NBEA: variants seen among roughly 807,000 people sequenced by gnomAD.
NBEA encodes the protein lysosomal-trafficking regulator 2.
In NBEA, 44 loss-of-function variants were observed where a neutral mutation model predicts 343.4. The observed-to-expected ratio is 0.13, with a 90% CI of 0.10 to 0.16. The LOEUF is 0.16. NBEA is among the 10% of genes least tolerant of loss of function. NBEA has a pLI of 1.00. For missense variants in NBEA, 2,555 were observed against 3,631.3 expected (o/e 0.70, Z 7.62); for synonymous variants, 1,175 against 1,238.7 (o/e 0.95, Z 1.08).
At chr13:35,339,427 T>C (rs1013331404) in intron 36 of NBEA, among the ~76,000 whole-genome samples, 4 of 151,966 alleles carry the variant, frequency 2.6e-5, no homozygotes, top group Non-Finnish European at 4.4e-5. Flanking sequence ...AATAATAAAA[T>C]GTAACAATGA....
chr13:35,073,095 C>T (rs573426848), intron 10 of NBEA, among the ~76,000 whole-genome samples: 8 of 151,972 alleles, frequency 5.3e-5, no homozygotes, highest in African/African-American at 1.9e-4. Flanking sequence ...TTATAGGGAA[C>T]CATTATAGAA....
At chr13:35,448,826 A>G (rs1343520994) in intron 39 of NBEA, among the ~76,000 whole-genome samples, 5 of 152,212 alleles carry the variant, frequency 3.3e-5, no homozygotes, top group Non-Finnish European at 5.9e-5. Context: ...GCTGGGCACC[A>G]GGCACTGAAG....
At chr13:35,198,651 G>A (rs1340815428) in intron 31 of NBEA, among the ~76,000 whole-genome samples, 1 of 152,040 alleles carries the variant, frequency 6.6e-6, no homozygotes. Context: ...TGAAATGGAA[G>A]AGCACAAAGC....
intron 41 of NBEA, among the ~76,000 whole-genome samples, chr13:35,506,271 G>C (rs1466725567): frequency 6.6e-6 from 1 of 152,036 alleles, no homozygotes; most frequent in Non-Finnish European, 1.5e-5. Flanking sequence ...GTCTGGCTTT[G>C]TTGCCCAGGC....
At chr13:35,615,570 C>G (rs897524253) in intron 48 of NBEA, among the ~76,000 whole-genome samples, 1 of 152,108 alleles carries the variant, frequency 6.6e-6, no homozygotes, top group Non-Finnish European at 1.5e-5. Flanking sequence ...GTCTTGAACT[C>G]CTGACCTCAG....
chr13:35,222,536 G>A (rs1486091096), intron 33 of NBEA, among the ~76,000 whole-genome samples: 3 of 151,716 alleles, frequency 2.0e-5, no homozygotes, highest in African/African-American at 7.2e-5. Context: ...CTTCTTTTAT[G>A]CCCTCTGTTG....
intron 10 of NBEA, among the ~76,000 whole-genome samples, chr13:35,093,315 CAAA>C (rs34323263): frequency 4.5e-4 from 64 of 141,066 alleles, no homozygotes; most frequent in Non-Finnish European, 5.0e-4. Flanking sequence ...ACTGGTACAC[CAAA>C]AAAAAAAAAA....
chr13:35,174,795 A>AT (rs1480126649), intron 27 of NBEA, among the ~76,000 whole-genome samples: 13 of 151,400 alleles, frequency 8.6e-5, no homozygotes, highest in African/African-American at 2.7e-4. Flanking sequence ...ACTTCAGAGT[A>AT]ATTTTTTTTT....
chr13:35,612,194 A>G (rs555267625), intron 48 of NBEA, among the ~76,000 whole-genome samples: 1 of 150,858 alleles, frequency 6.6e-6, no homozygotes, highest in East Asian at 2.0e-4. Context: ...GTGCAGTGGC[A>G]CCATCTCGGC....
At chr13:35,091,074 A>T (rs1031700500) in intron 10 of NBEA, among the ~76,000 whole-genome samples, 1 of 151,968 alleles carries the variant, frequency 6.6e-6, no homozygotes, top group Non-Finnish European at 1.5e-5. Flanking sequence ...TTGTTCTGTT[A>T]TGGCCCAGCC....
chr13:35,105,266 A>G (rs1453113000), intron 11 of NBEA, among the ~76,000 whole-genome samples: 3 of 152,018 alleles, frequency 2.0e-5, no homozygotes, highest in South Asian at 4.1e-4. Context: ...GTCAAACCCA[A>G]CTGGAAACCA....
rs142451689 is a variant in NBEA at position 35,086,808 on chromosome 13, G to A, written c.1572-11489G>A. Among the ~76,000 whole-genome samples the A allele has an allele frequency of 3.0e-4, 45 of 152,006 alleles. No homozygotes were observed. The East Asian group carries it at 8.3e-3, about 28-fold the overall frequency. On this transcript the variant is annotated intron_variant, in intron 10 of 58. Transcript: ENST00000379939. ...TTTCTTTAGATCCTCACCAGCACCT[G>A]TTATTTTTTGTTCTACTTATAATAG...
intron 33 of NBEA, among the ~76,000 whole-genome samples, chr13:35,223,947 A>T (rs1593820653): frequency 6.6e-6 from 1 of 152,276 alleles, no homozygotes; most frequent in East Asian, 1.9e-4. Context: ...TATTAGCATA[A>T]TTCGGTTCTG....
chr13:35,237,108 T>C (rs2075275277), intron 34 of NBEA, among the ~76,000 whole-genome samples: 1 of 151,948 alleles, frequency 6.6e-6, no homozygotes, highest in Non-Finnish European at 1.5e-5. Context: ...AAATAAAAAA[T>C]TACTCAGGCC....
At chr13:35,367,428 G>C (rs1305539473) in intron 38 of NBEA, among the ~76,000 whole-genome samples, 1 of 151,162 alleles carries the variant, frequency 6.6e-6, no homozygotes, top group African/African-American at 2.4e-5. Flanking sequence ...TGAGCCCCAG[G>C]AATATTTTCT....
intron 17 of NBEA, among the ~76,000 whole-genome samples, chr13:35,139,982 A>G (rs950285552): frequency 2.0e-5 from 3 of 152,018 alleles, no homozygotes; most frequent in African/African-American, 7.2e-5. Context: ...GTAGTGGCAC[A>G]GTTAAGAGAA....
rs537532980 is a variant in NBEA at position 35,381,319 on chromosome 13, T to C, written c.6179+28996T>C. Among the ~76,000 whole-genome samples the C allele has an allele frequency of 7.9e-4, 121 of 152,292 alleles. 1 individual carries two copies. The highest frequency in any genetic ancestry group is 2.7e-3 in the African/African-American group (112 of 41,570). On this transcript the variant is annotated intron_variant, in intron 38 of 58. Transcript: ENST00000379939. ...TGTAATATGTCACAGCAGACTACTA[T>C]GCTGTACACTTTGTAAAATGGAAAG...
intron 35 of NBEA, among the ~76,000 whole-genome samples, chr13:35,297,714 T>G (rs2036228345): frequency 2.0e-5 from 3 of 152,016 alleles, no homozygotes; most frequent in South Asian, 4.1e-4. Flanking sequence ...CCACTATGTC[T>G]TCCACTCCTA....
intron 46 of NBEA, among the ~76,000 whole-genome samples, chr13:35,584,979 A>G (rs1241937815): frequency 6.6e-6 from 1 of 150,590 alleles, no homozygotes; most frequent in Non-Finnish European, 1.5e-5. Flanking sequence ...TTTCTCACAA[A>G]TGAGGCACAC....
Sources: gnomAD v4.1 joint callset for allele counts (sites outside exome capture counted in the v4.1 genomes callset) on GRCh38, gnomAD v4.1.1 for gene constraint, MANE v1.5 for transcripts, NCBI Gene and HGNC (gene_info 2026-07-23, HGNC 2026-07-21) for gene names.